Variants in SGCD observed in about 807,000 individuals in gnomAD.
SGCD encodes the protein delta-sarcoglycan.
Under a neutral mutation model 36.6 loss-of-function variants are expected in SGCD, and 18 were observed. The observed-to-expected ratio is 0.49, with a 90% CI of 0.34 to 0.73. The LOEUF is 0.73. Ranked by LOEUF, SGCD falls within the 30% of genes least tolerant of loss-of-function variation. The probability of loss-of-function intolerance (pLI) is 0.01; values close to 1 mark genes in which losing one functional copy is unlikely to be tolerated. For synonymous variants in SGCD, 133 were observed against 130.6 expected (o/e 1.02, Z -0.12); for missense variants, 387 against 346.7 (o/e 1.12, Z -0.92).
chr5:156,041,728 AG>A (rs1030374044), intron 1 of SGCD, among the ~76,000 whole-genome samples: 2 of 152,214 alleles, frequency 1.3e-5, no homozygotes, highest in African/African-American at 4.8e-5. Context: ...GCATGCAAAA[AG>A]GTTTCCTGTA....
intron 3 of SGCD, among the ~76,000 whole-genome samples, chr5:156,140,861 C>A (rs1371299892): frequency 1.3e-5 from 2 of 152,306 alleles, no homozygotes; most frequent in Non-Finnish European, 2.9e-5. Context: ...AAAAGAGAAT[C>A]AAAGAATGAC....
chr5:156,766,740 G>T lies in SGCD; in HGVS notation c.*7350G>T, dbSNP rs1202113092. ...AGAGTTAAAAAGACAAAGTCATTTT[G>T]AAGAATTAACTCAGCCAGGGATCAT... On this transcript the variant is annotated 3_prime_UTR_variant, in exon 9 of 9. Transcript: ENST00000337851. The T allele has an allele frequency of 6.6e-6, 1 of 151,804 alleles. No homozygotes were observed. The allele number at this position is 151,804 out of a possible 1,614,324, so 9.4% of individuals were successfully genotyped here. A position where few individuals can be genotyped will look rare whatever the true frequency, so the allele number is the denominator to read the frequency against.
intron 3 of SGCD, among the ~76,000 whole-genome samples, chr5:156,387,002 A>T (rs1771311693): frequency 6.6e-6 from 1 of 152,212 alleles, no homozygotes; most frequent in Admixed American, 6.5e-5. Flanking sequence ...AACAGTCAGG[A>T]ATGAACATTT....
At chr5:156,757,790 T>G (rs1757398806) in intron 8 of SGCD, 86 bp downstream of exon 8, 2 of 1,479,082 alleles carry the variant, frequency 1.4e-6, no homozygotes, top group East Asian at 5.0e-5. Flanking sequence ...CGGAGTTGGA[T>G]CCTACAGTGT....
chr5:155,848,194 T>A, the SGCD span, among the ~76,000 whole-genome samples: 1 of 151,876 alleles, frequency 6.6e-6, no homozygotes, highest in Non-Finnish European at 1.5e-5. Context: ...AGGTGGTGAG[T>A]ACTATGATTG....
chr5:156,230,348 C>G (rs1179083807), intron 3 of SGCD, among the ~76,000 whole-genome samples: 1 of 152,152 alleles, frequency 6.6e-6, no homozygotes, highest in Non-Finnish European at 1.5e-5. Context: ...GGCTCTTGTT[C>G]AGATTCTTTT....
rs116728397 is a variant in SGCD at position 156,750,139 on chromosome 5, C to T, written c.576-7442C>T. Among the ~76,000 whole-genome samples the T allele has an allele frequency of 6.9e-3, 1,048 of 151,862 alleles. 14 individuals carry two copies. Among genetic ancestry groups the T allele is most frequent in the African/African-American group, 0.023 (969 of 41,446 alleles). ...ATAGATATTCCATTATATAAAATAG[C>T]ATTTGATAAAATTCACATTAATTAA... On this transcript the variant is annotated intron_variant, in intron 7 of 8. Coordinates refer to ENST00000337851, the MANE Select transcript of SGCD (RefSeq NM_000337.6).
At chr5:156,695,810 C>T (rs1754299779) in intron 7 of SGCD, among the ~76,000 whole-genome samples, 1 of 152,206 alleles carries the variant, frequency 6.6e-6, no homozygotes, top group South Asian at 2.1e-4. Flanking sequence ...TAACAAACAG[C>T]ATAGCTGTGT....
At chr5:155,828,876 G>A in the SGCD span, among the ~76,000 whole-genome samples, 3 of 151,856 alleles carry the variant, frequency 2.0e-5, no homozygotes, top group African/African-American at 7.3e-5. Context: ...TAGTAGAGAC[G>A]AGGTTTCACC....
At chr5:156,422,672 C>T (rs542360796) in intron 3 of SGCD, among the ~76,000 whole-genome samples, 1 of 152,134 alleles carries the variant, frequency 6.6e-6, no homozygotes, top group South Asian at 2.1e-4. Context: ...GCACTTTTGA[C>T]ATTTTGGGCT....
chr5:156,208,088 C>A (rs1389429650), intron 3 of SGCD, among the ~76,000 whole-genome samples: 2 of 151,980 alleles, frequency 1.3e-5, no homozygotes, highest in Admixed American at 6.6e-5. Context: ...AACATAAATT[C>A]TAAAATACAA....
chr5:155,817,437 C>G, the SGCD span, among the ~76,000 whole-genome samples: 1 of 151,544 alleles, frequency 6.6e-6, no homozygotes, highest in African/African-American at 2.4e-5. Context: ...GGTTTAATTA[C>G]TAGAAATGTT....
intron 3 of SGCD, among the ~76,000 whole-genome samples, chr5:156,313,556 A>C (rs184190178): frequency 1.9e-4 from 29 of 152,186 alleles, no homozygotes; most frequent in African/African-American, 6.7e-4. Flanking sequence ...CTCCAATTCT[A>C]ACCACAAAAC....
chr5:155,863,188 G>A, the SGCD span, among the ~76,000 whole-genome samples: 9,591 of 152,204 alleles, frequency 0.063, 354 homozygotes, highest in Middle Eastern at 0.14. Flanking sequence ...GGGCATGGAC[G>A]CTCCATCCAG....
intron 1 of SGCD, among the ~76,000 whole-genome samples, chr5:155,910,330 A>G (rs1756605015): frequency 6.6e-6 from 1 of 152,192 alleles, no homozygotes; most frequent in Non-Finnish European, 1.5e-5. Flanking sequence ...GAGGACTTAA[A>G]TCATCATATT....
At chr5:156,459,134 TTC>T (rs1240370359) in intron 3 of SGCD, among the ~76,000 whole-genome samples, 1 of 152,072 alleles carries the variant, frequency 6.6e-6, no homozygotes, top group Non-Finnish European at 1.5e-5. Context: ...TTTTTGCCCT[TTC>T]TCTTTCCCTC....
the SGCD span, among the ~76,000 whole-genome samples, chr5:155,730,313 A>G: frequency 2.6e-5 from 4 of 152,154 alleles, no homozygotes; most frequent in South Asian, 2.1e-4. Flanking sequence ...TAACTTCTTC[A>G]TGAGTAACTT....
At chr5:156,229,881 G>A (rs1156250582) in intron 3 of SGCD, among the ~76,000 whole-genome samples, 1 of 152,022 alleles carries the variant, frequency 6.6e-6, no homozygotes, top group Non-Finnish European at 1.5e-5. Flanking sequence ...CTTTGTCTTT[G>A]TTGGATTGGG....
the SGCD span, among the ~76,000 whole-genome samples, chr5:155,856,203 A>G: frequency 6.6e-6 from 1 of 152,186 alleles, no homozygotes; most frequent in African/African-American, 2.4e-5. Flanking sequence ...ATATACACGC[A>G]CTATACATTC....
Sources: allele counts gnomAD v4.1 joint callset (sites outside exome capture counted in the v4.1 genomes callset), GRCh38; gene constraint gnomAD v4.1.1; transcripts MANE v1.5; gene names NCBI Gene and HGNC (gene_info 2026-07-23, HGNC 2026-07-21).